SLC16A12: variants seen among roughly 807,000 people sequenced by gnomAD.
SLC16A12 encodes solute carrier family 16 member 12.
Under a neutral mutation model 42.4 loss-of-function variants are expected in SLC16A12, and 17 were observed. The ratio of observed to expected loss-of-function variants is 0.40; its 90% CI spans 0.27 to 0.60. SLC16A12 has a LOEUF of 0.60. Among genes scored for constraint, SLC16A12 ranks in the 20% least tolerant of loss-of-function variants. The probability of loss-of-function intolerance (pLI) is 0.42; values close to 1 mark genes in which losing one functional copy is unlikely to be tolerated. For missense variants in SLC16A12, 544 were observed against 623.0 expected, an observed-to-expected ratio of 0.87 and a Z score of 1.35; for synonymous variants, 224 against 229.4, an observed-to-expected ratio of 0.98 and a Z score of 0.21.
intron 2 of SLC16A12, among the ~76,000 whole-genome samples, chr10:89,473,493 A>G (rs944566942): frequency 1.3e-5 from 2 of 152,220 alleles, no homozygotes; most frequent in Admixed American, 6.5e-5. Context: ...ATAACTTGGG[A>G]ATAGGCAAAG....
At chr10:89,489,863 G>T (rs929952133) in intron 2 of SLC16A12, among the ~76,000 whole-genome samples, 1 of 152,100 alleles carries the variant, frequency 6.6e-6, no homozygotes, top group African/African-American at 2.4e-5. Context: ...AATGCTGACT[G>T]GTTCCTAAAG....
intron 2 of SLC16A12, among the ~76,000 whole-genome samples, chr10:89,541,068 C>T (rs943171773): frequency 6.6e-6 from 1 of 151,890 alleles, no homozygotes; most frequent in East Asian, 1.9e-4. Context: ...ACTATAGGTG[C>T]CCACCACCAC....
intron 2 of SLC16A12, among the ~76,000 whole-genome samples, chr10:89,475,092 C>T (rs1842556865): frequency 6.6e-6 from 1 of 152,164 alleles, no homozygotes; most frequent in Non-Finnish European, 1.5e-5. Context: ...TAGATTGGCT[C>T]CCTATCACTT....
upstream of SLC16A12, among the ~76,000 whole-genome samples, chr10:89,539,520 T>G (rs562106330): frequency 1.3e-5 from 2 of 152,190 alleles, no homozygotes; most frequent in Non-Finnish European, 2.9e-5. Flanking sequence ...TTAGGGTACA[T>G]CCATTATGAA....
chr10:89,441,275 T>C (rs767305523), intron 4 of SLC16A12, 24 bp from the exon 5 acceptor site: 2 of 1,613,628 alleles, frequency 1.2e-6, no homozygotes, highest in East Asian at 4.5e-5. Flanking sequence ...AAGAAATAGG[T>C]TCAACAGAAA....
rs35163833 is a variant in SLC16A12 at position 89,493,219 on chromosome 10, C to CT, written c.-46-30596dup. Among the ~76,000 whole-genome samples, 209 of 140,570 alleles carry CT rather than the reference C, an allele frequency of 1.5e-3. 1 individual carries two copies. Among genetic ancestry groups the CT allele is most frequent in the East Asian group, 2.1e-3 (10 of 4,828 alleles). 92.2% of individuals were successfully genotyped at this position (140,570 alleles called of 152,430 possible). On this transcript the variant is annotated intron_variant, in intron 2 of 7. Transcript: ENST00000371790. ...ATAAATGAATTCACCTTTTTTCTTTCTTTTTTTTTTTTTTTGGTCTGAGAA... is the reference window on the plus strand; with the variant it reads ...ATAAATGAATTCACCTTTTTTCTTTCTTTTTTTTTTTTTTTTGGTCTGAGAA...
At position 89,438,886 on chromosome 10, in the gene SLC16A12, A is replaced by G. The variant is rs1356266337; in HGVS notation, c.746T>C (p.Ile249Thr). The G allele has an allele frequency of 1.6e-5, 26 of 1,612,152 alleles. No individual in the cohort carries two copies. The highest frequency in any genetic ancestry group is 2.1e-5 in the Non-Finnish European group (25 of 1,179,316). Reference sequence around the variant, plus strand: ...AGATGAATAGGGAGACACCCGCTTAATGTCTTCTTTCTGAGTTCTACACAC... The same window carrying G: ...AGATGAATAGGGAGACACCCGCTTAGTGTCTTCTTTCTGAGTTCTACACAC... ...NHVCRTQKED[I>T]KRVSPYSSLT... Residue 249 changes from isoleucine to threonine, a missense_variant, in exon 6 of 8, where the codon ATT becomes ACT. By Grantham distance (89) the Ile-to-Thr change is moderately conservative. Transcript: ENST00000371790.
At chr10:89,537,258 G>T (rs567618237), upstream of SLC16A12, among the ~76,000 whole-genome samples, 3 of 150,490 alleles carry the variant, frequency 2.0e-5, no homozygotes, top group Non-Finnish European at 4.4e-5. Flanking sequence ...GCTCATTGCA[G>T]TCTCGAACTC....
At position 89,441,198 on chromosome 10, in the gene SLC16A12, G is replaced by C; in HGVS notation, c.358C>G (p.Leu120Val). ...NHLSCQVGIMLGGLLASTGLI... is the reference protein window; with the variant it reads ...NHLSCQVGIMVGGLLASTGLI... The stretch of plus-strand genomic sequence containing the variant: ...CCAGTAGATGCAAGCAAGCCACCCA[G>C]CATGATTCCCACTTGACAGGATAAA... The change falls in exon 5 of 8, where the codon CTG (leucine) becomes GTG (valine). Residue 120 changes from leucine to valine, a missense_variant. By Grantham distance (32) the Leu-to-Val change is conservative (BLOSUM62 1). Transcript: ENST00000371790. 6.2e-7 allele frequency: 1 copy of C among 1,613,978 alleles called. No individual in the cohort carries two copies. Among genetic ancestry groups the C allele is most frequent in the Non-Finnish European group, 8.5e-7 (1 of 1,179,924 alleles).
intron 3 of SLC16A12, among the ~76,000 whole-genome samples, chr10:89,458,627 C>T (rs1376096971): frequency 6.6e-6 from 1 of 152,180 alleles, no homozygotes; most frequent in Admixed American, 6.5e-5. Context: ...TTAGATACAG[C>T]TTCACATTAA....
intron 2 of SLC16A12, among the ~76,000 whole-genome samples, chr10:89,525,074 C>G (rs951944139): frequency 2.0e-5 from 3 of 152,008 alleles, no homozygotes; most frequent in African/African-American, 7.2e-5. Flanking sequence ...AAAAAAAATT[C>G]CCTGGGCGTG....
chr10:89,529,022 T>A (rs893395506), intron 2 of SLC16A12, among the ~76,000 whole-genome samples: 5 of 152,248 alleles, frequency 3.3e-5, no homozygotes, highest in Non-Finnish European at 5.9e-5. Context: ...TATTTAATAA[T>A]GATGATTAAG....
chr10:89,464,109 G>A (rs1385293874), intron 2 of SLC16A12, among the ~76,000 whole-genome samples: 1 of 152,194 alleles, frequency 6.6e-6, no homozygotes, highest in Non-Finnish European at 1.5e-5. Context: ...AAGCCATTTG[G>A]CAGGGAACCA....
At position 89,505,501 on chromosome 10, in the gene SLC16A12, C is replaced by T. The variant is rs192515035; in HGVS notation, c.-47+29000G>A. On this transcript the variant is annotated intron_variant, in intron 2 of 7. Coordinates refer to ENST00000371790, the MANE Select transcript of SLC16A12 (RefSeq NM_213606.4). The stretch of plus-strand genomic sequence containing the variant: ...AACAGCTCTGGTCTGCAGCTCCCAG[C>T]GAGACTGATGCAGAAGATGGGTGAT... Among the ~76,000 whole-genome samples the T allele has an allele frequency of 8.8e-4, 134 of 152,228 alleles. 1 individual carries two copies. Among genetic ancestry groups the T allele is most frequent in the Non-Finnish European group, 1.4e-3 (93 of 68,018 alleles).
intron 2 of SLC16A12, among the ~76,000 whole-genome samples, chr10:89,517,605 C>T (rs544042427): frequency 6.6e-6 from 1 of 152,276 alleles, no homozygotes; most frequent in South Asian, 2.1e-4. Flanking sequence ...GCCATTGCAC[C>T]TGGCTCCAAC....
At position 89,438,734 on chromosome 10, in the gene SLC16A12, G is replaced by A; in HGVS notation, c.898C>T (p.Leu300Phe). 6.2e-6 allele frequency: 10 copies of A among 1,614,186 alleles called. No individual in the cohort carries two copies. Among genetic ancestry groups the A allele is most frequent in the Non-Finnish European group, 8.5e-6 (10 of 1,180,038 alleles). ...GCATAAGGCACCAAGTACACAAAGA[G>A]AGGGCTGCAGCCATAAGCCATAAAC... is the stretch of plus-strand genomic sequence containing the variant. Reference protein sequence around the residue: ...VLFMAYGCSPLFVYLVPYALS... With the variant: ...VLFMAYGCSPFFVYLVPYALS... Residue 300 changes from leucine to phenylalanine, a missense_variant, in exon 6 of 8, where the codon CTC becomes TTC. Leu to Phe is a conservative substitution (Grantham distance 22, BLOSUM62 0). Transcript: ENST00000371790.
intron 2 of SLC16A12, among the ~76,000 whole-genome samples, chr10:89,485,838 AG>A (rs1194041648): frequency 6.6e-6 from 1 of 152,190 alleles, no homozygotes; most frequent in Non-Finnish European, 1.5e-5. Flanking sequence ...AAGAGGTAAC[AG>A]TTTTGAAAGA....
intron 2 of SLC16A12, among the ~76,000 whole-genome samples, chr10:89,530,519 G>A (rs1843529604): frequency 6.6e-6 from 1 of 151,778 alleles, no homozygotes; most frequent in Non-Finnish European, 1.5e-5. Flanking sequence ...CTGGGTTCAT[G>A]CCATTCTCCT....
intron 2 of SLC16A12, among the ~76,000 whole-genome samples, chr10:89,483,754 C>CAAAAAAAAAAAAAAAAAAAAAAAAA (rs796203412): frequency 2.0e-5 from 2 of 102,394 alleles, no homozygotes; most frequent in Non-Finnish European, 2.2e-5. Context: ...AAAAAAAAAA[C>CAAAAAAAAAAAAAAAAAAAAAAAAA]AAAAAAAAAA....
Sources: allele counts gnomAD v4.1 joint callset (sites outside exome capture counted in the v4.1 genomes callset), GRCh38; gene constraint gnomAD v4.1.1; transcripts MANE v1.5; gene names NCBI Gene and HGNC (gene_info 2026-07-23, HGNC 2026-07-21).